The following PTPRG variants were observed in gnomAD, a reference collection of about 807,000 sequenced individuals.
PTPRG encodes protein tyrosine phosphatase receptor type G, also known as receptor-type tyrosine-protein phosphatase gamma.
A neutral mutation model predicts 165.3 loss-of-function variants in PTPRG; 102 were observed. That is an observed-to-expected ratio of 0.62 (90% confidence interval 0.53 to 0.73). PTPRG has a LOEUF of 0.73. Ranked by LOEUF, PTPRG falls within the 30% of genes least tolerant of loss-of-function variation. The pLI is 0.00. For missense variants in PTPRG, 1,866 were observed against 1,861.4 expected (o/e 1.00, Z -0.05); for synonymous variants, 675 against 669.5 (o/e 1.01, Z -0.13).
chr3:62,086,800 C>A (rs1041364219), intron 5 of PTPRG, among the ~76,000 whole-genome samples: 12 of 152,144 alleles, frequency 7.9e-5, no homozygotes, highest in Admixed American at 3.3e-4. Context: ...TCTTAATGTT[C>A]AATTGCAGTT....
chr3:61,951,079 C>A (rs1464650549), intron 2 of PTPRG, among the ~76,000 whole-genome samples: 1 of 152,176 alleles, frequency 6.6e-6, no homozygotes, highest in Non-Finnish European at 1.5e-5. Flanking sequence ...TAAATTGCCC[C>A]CTAGCTCTTA....
chr3:62,102,512 C>G (rs1398782945), intron 5 of PTPRG, among the ~76,000 whole-genome samples: 1 of 152,160 alleles, frequency 6.6e-6, no homozygotes, highest in Non-Finnish European at 1.5e-5. Context: ...ACCTCATGAT[C>G]TGCCCACCTA....
chr3:61,703,747 G>T (rs1559564773), intron 1 of PTPRG, among the ~76,000 whole-genome samples: 2 of 152,156 alleles, frequency 1.3e-5, no homozygotes. Flanking sequence ...ATATGGGCTT[G>T]TTGATACCTG....
chr3:61,648,242 C>T (rs370158615), intron 1 of PTPRG, among the ~76,000 whole-genome samples: 2 of 152,226 alleles, frequency 1.3e-5, no homozygotes, highest in Non-Finnish European at 1.5e-5. Context: ...GTTGTCCATT[C>T]GTTACCCAGG....
At chr3:61,759,073 C>T (rs1285171380) in intron 2 of PTPRG, among the ~76,000 whole-genome samples, 1 of 152,162 alleles carries the variant, frequency 6.6e-6, no homozygotes, top group African/African-American at 2.4e-5. Flanking sequence ...TTTGGCTGAT[C>T]TTGAAATGAC....
intron 1 of PTPRG, among the ~76,000 whole-genome samples, chr3:61,573,936 A>G (rs1336257293): frequency 6.6e-6 from 1 of 152,162 alleles, no homozygotes; most frequent in Non-Finnish European, 1.5e-5. Context: ...CTGCTAAGGT[A>G]TCTGTTGCTG....
chr3:61,645,268 G>T (rs1367959422), intron 1 of PTPRG, among the ~76,000 whole-genome samples: 1 of 152,240 alleles, frequency 6.6e-6, no homozygotes, highest in Non-Finnish European at 1.5e-5. Flanking sequence ...GTTGGGTTGT[G>T]ATTAATAGCT....
chr3:61,650,533 C>T (rs1471247648), intron 1 of PTPRG, among the ~76,000 whole-genome samples: 14 of 152,122 alleles, frequency 9.2e-5, no homozygotes, highest in Admixed American at 8.5e-4. Context: ...GATGTGCCTG[C>T]GGTTTTCACA....
intron 8 of PTPRG, among the ~76,000 whole-genome samples, chr3:62,175,417 GCCAT>G (rs1451878348): frequency 6.6e-6 from 1 of 152,090 alleles, no homozygotes. Flanking sequence ...GGAGTTTGAG[GCCAT>G]CCTGGGCAAC....
intron 7 of PTPRG, among the ~76,000 whole-genome samples, chr3:62,163,711 C>T (rs1031240650): frequency 5.9e-5 from 9 of 152,192 alleles, no homozygotes; most frequent in African/African-American, 1.9e-4. Flanking sequence ...ACTTACTGAG[C>T]ACCTGCTGTG....
intron 2 of PTPRG, among the ~76,000 whole-genome samples, chr3:61,892,216 A>C (rs1404151295): frequency 6.6e-6 from 1 of 152,148 alleles, no homozygotes; most frequent in Admixed American, 6.6e-5. Context: ...TTTCCAGCCC[A>C]TACCACGTGA....
chr3:62,259,484 CGCCTGTG>C (rs968257408), intron 16 of PTPRG, among the ~76,000 whole-genome samples: 26 of 152,130 alleles, frequency 1.7e-4, no homozygotes, highest in African/African-American at 5.1e-4. Context: ...CATCCTGGGC[CGCCTGTG>C]GCCTGTGGGC....
intron 2 of PTPRG, among the ~76,000 whole-genome samples, chr3:61,854,545 T>C (rs889029959): frequency 6.6e-6 from 1 of 152,222 alleles, no homozygotes; most frequent in Admixed American, 6.5e-5. Context: ...CATGGACATA[T>C]GAATACATGC....
At chr3:61,623,572 G>C (rs1041587502) in intron 1 of PTPRG, among the ~76,000 whole-genome samples, 23 of 152,260 alleles carry the variant, frequency 1.5e-4, no homozygotes, top group Non-Finnish European at 2.1e-4. Context: ...ATAGCTTGGG[G>C]TTACACCTGG....
intron 4 of PTPRG, among the ~76,000 whole-genome samples, chr3:62,065,475 C>T (rs189590571): frequency 6.6e-6 from 1 of 152,146 alleles, no homozygotes; most frequent in Non-Finnish European, 1.5e-5. Context: ...GGCAGTCTTT[C>T]AGGGGGCTTG....
At chr3:61,662,601 T>C (rs537929028) in intron 1 of PTPRG, among the ~76,000 whole-genome samples, 2 of 152,286 alleles carry the variant, frequency 1.3e-5, no homozygotes, top group East Asian at 3.9e-4. Flanking sequence ...TGTTACACAG[T>C]AATAGATCAC....
chr3:61,886,691 C>T (rs1324055990), intron 2 of PTPRG, among the ~76,000 whole-genome samples: 1 of 152,132 alleles, frequency 6.6e-6, no homozygotes, highest in African/African-American at 2.4e-5. Flanking sequence ...GTATGTACCT[C>T]CTAGCTACCC....
intron 2 of PTPRG, among the ~76,000 whole-genome samples, chr3:61,754,680 A>G (rs543192429): frequency 1.3e-5 from 2 of 152,294 alleles, no homozygotes; most frequent in East Asian, 3.9e-4. Context: ...TTAGTGGGTG[A>G]TTTGCAAAAG....
At chr3:61,953,677 T>C (rs1280269983) in intron 2 of PTPRG, among the ~76,000 whole-genome samples, 1 of 152,234 alleles carries the variant, frequency 6.6e-6, no homozygotes, top group Admixed American at 6.5e-5. Flanking sequence ...GGCTCACTGC[T>C]GCATTTTCTT....
Sources: gnomAD v4.1 joint callset for allele counts (sites outside exome capture counted in the v4.1 genomes callset) on GRCh38, gnomAD v4.1.1 for gene constraint, MANE v1.5 for transcripts, NCBI Gene and HGNC (gene_info 2026-07-23, HGNC 2026-07-21) for gene names.